The following PDCL variants were observed in gnomAD, a reference collection of about 807,000 sequenced individuals.
PDCL encodes phosducin like, also known as phosducin-like protein.
PDCL carries 11 observed loss-of-function variants against 26.7 expected under a neutral mutation model. The ratio of observed to expected loss-of-function variants is 0.41; its 90% CI spans 0.26 to 0.68. The LOEUF is 0.68. PDCL is among the 30% of genes least tolerant of loss of function. The pLI is 0.30. For missense variants in PDCL, 330 were observed against 371.6 expected (o/e 0.89, Z 0.92); for synonymous variants, 118 against 134.9 (o/e 0.87, Z 0.87).
Position 122,820,251 on chromosome 9 carries a change from T to C in PDCL, c.740A>G (p.Asn247Ser), listed in dbSNP as rs1451354979. ...LIYKGGELIG[N>S]FVRVTDQLGD... ...CAGCTGGTCAGTAACACGAACAAAA[T>C]TGCCGATCAATTCACCCCCCTTATA... Residue 247 changes from asparagine to serine, a missense_variant, in exon 4 of 4, where the codon AAT becomes AGT. Asn to Ser is a conservative substitution (Grantham distance 46, BLOSUM62 1). Coordinates refer to ENST00000259467, the MANE Select transcript of PDCL (RefSeq NM_005388.5). The C allele has an allele frequency of 9.9e-6, 16 of 1,614,094 alleles. No homozygotes were observed. Among genetic ancestry groups the C allele is most frequent in the Admixed American group, 5.0e-5 (3 of 60,010 alleles).
At position 122,823,130 on chromosome 9, in the gene PDCL, C is replaced by T. The variant is rs746312373; in HGVS notation, c.240G>A (p.Gln80=). The T allele has an allele frequency of 3.3e-5, 54 of 1,614,082 alleles. No individual in the cohort carries two copies. In the Admixed American group the frequency reaches 8.8e-4, roughly 26 times the overall value. ...TGATCAGCCTTTCCATCTCCCGGCA[C>T]TGCTCCTCCCTCTGCTCTGTCTCCA... is the stretch of plus-strand genomic sequence containing the variant. ...KQLETEQREE[Q]CREMERLIKK... Residue 80 remains glutamine (Q), a synonymous_variant, in exon 3 of 4, where the codon CAG becomes CAA. Transcript: ENST00000259467.
chr9:122,827,560 G>GCAAA (rs901024368), intron 1 of PDCL, among the ~76,000 whole-genome samples: 66 of 151,934 alleles, frequency 4.3e-4, no homozygotes, highest in Non-Finnish European at 7.8e-4. Flanking sequence ...ACTAGTAAAA[G>GCAAA]CAAACAAACA....
At chr9:122,825,837 G>T (rs1006617807) in intron 2 of PDCL, among the ~76,000 whole-genome samples, 1 of 152,150 alleles carries the variant, frequency 6.6e-6, no homozygotes, top group Non-Finnish European at 1.5e-5. Flanking sequence ...GCAGATGATC[G>T]CTTGAGGCCA....
intron 1 of PDCL, 93 bp from the exon 2 acceptor site, chr9:122,826,885 C>G (rs1294259847): frequency 8.7e-7 from 1 of 1,155,904 alleles, no homozygotes; most frequent in African/African-American, 1.5e-5. Context: ...TGAGATCCTA[C>G]AATTTCCAGG....
chr9:122,821,549 G>A (rs1022845837), intron 3 of PDCL, among the ~76,000 whole-genome samples: 1 of 152,006 alleles, frequency 6.6e-6, no homozygotes, highest in African/African-American at 2.4e-5. Flanking sequence ...GACTTAGCAC[G>A]ATTATAAGTA....
At chr9:122,824,301 G>C (rs1829594178) in intron 2 of PDCL, among the ~76,000 whole-genome samples, 1 of 152,168 alleles carries the variant, frequency 6.6e-6, no homozygotes, top group South Asian at 2.1e-4. Flanking sequence ...GAGCAAATAT[G>C]AAGTATGCCA....
chr9:122,823,465 A>T (rs1391890176), intron 2 of PDCL, among the ~76,000 whole-genome samples: 1 of 152,234 alleles, frequency 6.6e-6, no homozygotes, highest in African/African-American at 2.4e-5. Flanking sequence ...AGCAACTCTT[A>T]GAGTAAAGCA....
At chr9:122,823,310 C>A (rs1021461443) in intron 2 of PDCL, 113 bp from the exon 3 acceptor site, 1 of 990,444 alleles carries the variant, frequency 1.0e-6, no homozygotes, top group African/African-American at 1.6e-5. Flanking sequence ...ATCTACTGCA[C>A]AATTATCATA....
intron 1 of PDCL, 90 bp from the exon 2 acceptor site, chr9:122,826,882 C>A: frequency 8.4e-7 from 1 of 1,186,048 alleles, no homozygotes; most frequent in South Asian, 1.4e-5. Context: ...TGCTGAGATC[C>A]TACAATTTCC....
chr9:122,819,496 C>G lies in PDCL; in HGVS notation c.*589G>C, dbSNP rs894658253. 6.6e-6 allele frequency: 1 copy of G among 152,146 alleles called. No individual in the cohort carries two copies. The highest frequency in any genetic ancestry group is 1.5e-5 in the Non-Finnish European group (1 of 68,060). The allele number at this position is 152,146 out of a possible 1,614,324, so 9.4% of individuals were successfully genotyped here. On this transcript the variant is annotated 3_prime_UTR_variant, in exon 4 of 4. Transcript: ENST00000259467. ...ATCACCAGGTCAGTAAGCATCAACCCTTCCTGCTGTTCCAGACTTAGTCAT... is the reference window on the plus strand; with the variant it reads ...ATCACCAGGTCAGTAAGCATCAACCGTTCCTGCTGTTCCAGACTTAGTCAT...
chr9:122,826,853 A>C lies in PDCL; in HGVS notation c.-5-61T>G, dbSNP rs1027293715. 3 of 1,508,394 alleles carry C rather than the reference A, an allele frequency of 2.0e-6. No individual in the cohort carries two copies. In the African/African-American group the frequency reaches 4.1e-5, roughly 21 times the overall value. The allele number at this position is 1,508,394 out of a possible 1,614,324, so 93.4% of individuals were successfully genotyped here. A position where few individuals can be genotyped will look rare whatever the true frequency, so the allele number is the denominator to read the frequency against. The stretch of plus-strand genomic sequence containing the variant: ...TTGAGCCAGACAGACATGAATCTGA[A>C]GCATAGGGGGCTCGCCTGTGCTGAG... On this transcript the variant is annotated intron_variant, in intron 1 of 3. Transcript: ENST00000259467.
chr9:122,826,304 A>C (rs1829627526), intron 2 of PDCL, among the ~76,000 whole-genome samples: 1 of 152,184 alleles, frequency 6.6e-6, no homozygotes, highest in South Asian at 2.1e-4. Context: ...ACAAGTGTAA[A>C]TATGCCATTT....
intron 2 of PDCL, among the ~76,000 whole-genome samples, chr9:122,823,939 T>C (rs1287756226): frequency 1.3e-5 from 2 of 151,974 alleles, no homozygotes; most frequent in African/African-American, 4.8e-5. Context: ...CCAGCTAATA[T>C]TTGTATTTTT....
intron 2 of PDCL, among the ~76,000 whole-genome samples, chr9:122,824,458 G>A (rs1434532337): frequency 6.6e-6 from 1 of 152,156 alleles, no homozygotes; most frequent in African/African-American, 2.4e-5. Flanking sequence ...TTTCAGCCTA[G>A]CTCCTAGATG....
At position 122,819,406 on chromosome 9, in the gene PDCL, T is replaced by G. The variant is rs891142752; in HGVS notation, c.*679A>C. 1 of 152,172 alleles carries G rather than the reference T, an allele frequency of 6.6e-6. No homozygotes were observed. The highest frequency in any genetic ancestry group is 1.5e-5 in the Non-Finnish European group (1 of 68,018). The allele number at this position is 152,172 out of a possible 1,614,324, so 9.4% of individuals were successfully genotyped here. On this transcript the variant is annotated 3_prime_UTR_variant, in exon 4 of 4. Transcript: ENST00000259467. ...GGGCATCTTACTGAAAGAACTTCCT[T>G]TACAAAGATTTCCAGCCCCACTCCA... is the stretch of plus-strand genomic sequence containing the variant.
rs1379273835 is a variant in PDCL at position 122,818,936 on chromosome 9, CTTTT to C, written c.*1145_*1148del. 6.6e-6 allele frequency: 1 copy of C among 151,854 alleles called. No individual in the cohort carries two copies. Among genetic ancestry groups the C allele is most frequent in the Non-Finnish European group, 1.5e-5 (1 of 67,938 alleles). The allele number at this position is 151,854 out of a possible 1,614,324, so 9.4% of individuals were successfully genotyped here. On this transcript the variant is annotated 3_prime_UTR_variant, in exon 4 of 4. Coordinates refer to ENST00000259467, the MANE Select transcript of PDCL (RefSeq NM_005388.5). ...TTTAAAAAAAGTATTTGCTATCTTTCTTTTTAAGAGACAACCATCAAGCAAATTA... is the reference window on the plus strand; with the variant it reads ...TTTAAAAAAAGTATTTGCTATCTTTCTAAGAGACAACCATCAAGCAAATTA...
In PDCL at chr9:122,826,608, C is replaced by T. The variant is rs753398379; in HGVS notation, c.172+8G>A. On this transcript the variant is annotated splice_region_variant and intron_variant, in intron 2 of 3. Transcript: ENST00000259467. ...AGCCTGTTCCCAGAGCCCAGGGTTTCTCAGTACCTGTGTTAACTGAGATGC... is the reference window on the plus strand; with the variant it reads ...AGCCTGTTCCCAGAGCCCAGGGTTTTTCAGTACCTGTGTTAACTGAGATGC... The T allele has an allele frequency of 3.7e-6, 6 of 1,612,356 alleles. No individual in the cohort carries two copies. The highest frequency in any genetic ancestry group is 2.2e-5 in the East Asian group (1 of 44,834).
In PDCL at chr9:122,820,143, G is replaced by A; in HGVS notation, c.848C>T (p.Thr283Ile). The change falls in exon 4 of 4, where the codon ACA becomes ATA. Residue 283 changes from threonine to isoleucine, a missense_variant. Physicochemically the swap from Thr to Ile is moderately conservative, Grantham distance 89 (BLOSUM62 -1). Coordinates refer to ENST00000259467, the MANE Select transcript of PDCL (RefSeq NM_005388.5). ...LLPEKEVLVL[T>I]SVRNSATCHS... ...ACACGTGGCAGAGTTACGCACAGAT[G>A]TCAGCACCAAGACTTCCTTTTCTGG... 6.2e-7 allele frequency: 1 copy of A among 1,614,114 alleles called. No homozygotes were observed. The highest frequency in any genetic ancestry group is 8.5e-7 in the Non-Finnish European group (1 of 1,179,976).
rs143503466 is a variant in PDCL at position 122,826,778 on chromosome 9, G to A, written c.10C>T (p.Leu4Phe). The A allele has an allele frequency of 3.8e-4, 608 of 1,613,978 alleles. 2 individuals carry two copies. In the African/African-American group the frequency reaches 6.9e-3, roughly 18 times the overall value. Residue 4 changes from leucine to phenylalanine, a missense_variant, in exon 2 of 4, where the codon CTT (leucine) becomes TTT (phenylalanine). Leu to Phe is a conservative substitution (Grantham distance 22). Transcript: ENST00000259467. MTTLDDKLLGEKLQ... is the reference protein window; with the variant it reads MTTFDDKLLGEKLQ... Reference sequence around the variant, plus strand: ...TTCTCCCCCAGCAACTTATCATCAAGGGTGGTCATGGTGTCTGGAAAAAGA... The same window carrying A: ...TTCTCCCCCAGCAACTTATCATCAAAGGTGGTCATGGTGTCTGGAAAAAGA...
Sources: gnomAD v4.1 joint callset for allele counts (sites outside exome capture counted in the v4.1 genomes callset) on GRCh38, gnomAD v4.1.1 for gene constraint, MANE v1.5 for transcripts, NCBI Gene and HGNC (gene_info 2026-07-23, HGNC 2026-07-21) for gene names.